The following MAN1A1 variants were observed in gnomAD, a reference collection of about 807,000 sequenced individuals.
MAN1A1 encodes the protein mannosidase alpha class 1A member 1.
In MAN1A1, 29 loss-of-function variants were observed where a neutral mutation model predicts 70.8. The ratio of observed to expected loss-of-function variants is 0.41; its 90% CI spans 0.31 to 0.56. The LOEUF (loss-of-function observed/expected upper bound fraction) is 0.56, where lower values mean the gene tolerates loss of function less well. Among genes scored for constraint, MAN1A1 ranks in the 20% least tolerant of loss-of-function variants. MAN1A1 has a pLI of 0.29. For synonymous variants in MAN1A1, 349 were observed against 330.1 expected (o/e 1.06, Z -0.62); for missense variants, 747 against 841.3 (o/e 0.89, Z 1.39).
At chr6:119,323,751 A>G (rs1286510572) in intron 2 of MAN1A1, among the ~76,000 whole-genome samples, 1 of 152,248 alleles carries the variant, frequency 6.6e-6, no homozygotes, top group Non-Finnish European at 1.5e-5. Flanking sequence ...AGTCTCAGAT[A>G]GTCCTACAGA....
At chr6:119,273,965 T>A (rs1057312864) in intron 5 of MAN1A1, among the ~76,000 whole-genome samples, 1 of 152,130 alleles carries the variant, frequency 6.6e-6, no homozygotes, top group Non-Finnish European at 1.5e-5. Context: ...TGGGGTTGCA[T>A]GAGATTGAGA....
chr6:119,305,386 T>C (rs1250685253), intron 3 of MAN1A1, among the ~76,000 whole-genome samples: 1 of 152,134 alleles, frequency 6.6e-6, no homozygotes, highest in Non-Finnish European at 1.5e-5. Context: ...TCAAAAAATG[T>C]TGTAATAAAC....
At chr6:119,327,636 TG>T (rs777710648) in intron 2 of MAN1A1, among the ~76,000 whole-genome samples, 7 of 152,112 alleles carry the variant, frequency 4.6e-5, no homozygotes, top group Non-Finnish European at 8.8e-5. Context: ...TAGTAAAACA[TG>T]GTGACTATAG....
At chr6:119,253,212 T>C (rs1368619033) in intron 5 of MAN1A1, among the ~76,000 whole-genome samples, 1 of 152,056 alleles carries the variant, frequency 6.6e-6, no homozygotes, top group African/African-American at 2.4e-5. Flanking sequence ...AAGCCAAATC[T>C]GCACCAAAAA....
chr6:119,343,949 C>CT (rs1166138347), intron 2 of MAN1A1, among the ~76,000 whole-genome samples: 3 of 152,238 alleles, frequency 2.0e-5, no homozygotes, highest in Non-Finnish European at 1.5e-5. Flanking sequence ...TTCCTCCCCT[C>CT]TGACCTTCGG....
intron 5 of MAN1A1, among the ~76,000 whole-genome samples, chr6:119,255,881 T>C (rs962538622): frequency 1.3e-5 from 2 of 152,222 alleles, no homozygotes; most frequent in Admixed American, 6.5e-5. Context: ...AAAAAAATTA[T>C]GTGTTGTATT....
Position 119,349,096 on chromosome 6 carries a change from G to A in MAN1A1, c.-31C>T. 2 of 1,268,474 alleles carry A rather than the reference G, an allele frequency of 1.6e-6. No individual in the cohort carries two copies. The highest frequency in any genetic ancestry group is 2.0e-6 in the Non-Finnish European group (2 of 1,007,498). 78.6% of individuals were successfully genotyped at this position (1,268,474 alleles called of 1,614,324 possible). On this transcript the variant is annotated 5_prime_UTR_variant, in exon 2 of 13. Transcript: ENST00000368468. Reference sequence around the variant, plus strand: ...CCGCTGTCCAGTGGTCCGGCGCCGCGCCGCTCAGCAGCCAAACTTCGCCGC... The same window carrying A: ...CCGCTGTCCAGTGGTCCGGCGCCGCACCGCTCAGCAGCCAAACTTCGCCGC...
intron 6 of MAN1A1, among the ~76,000 whole-genome samples, chr6:119,232,912 C>T (rs1264430203): frequency 6.6e-6 from 1 of 152,020 alleles, no homozygotes; most frequent in Non-Finnish European, 1.5e-5. Context: ...GACCTATTTT[C>T]CCTTCTTTAG....
chr6:119,275,553 G>A (rs1776037874), intron 5 of MAN1A1, among the ~76,000 whole-genome samples: 1 of 143,836 alleles, frequency 7.0e-6, no homozygotes, highest in Non-Finnish European at 1.6e-5. Context: ...TGATCCGCCC[G>A]CCTCGGCCTC....
intron 2 of MAN1A1, among the ~76,000 whole-genome samples, chr6:119,310,927 C>A (rs1772683208): frequency 6.6e-6 from 1 of 152,114 alleles, no homozygotes; most frequent in Non-Finnish European, 1.5e-5. Flanking sequence ...GTTTACTTCC[C>A]TATGTGTACT....
chr6:119,339,596 ATT>A (rs1002172588), intron 2 of MAN1A1, among the ~76,000 whole-genome samples: 22 of 151,790 alleles, frequency 1.4e-4, no homozygotes, highest in African/African-American at 5.3e-4. Flanking sequence ...ACTATGAAGG[ATT>A]TGTTTTTTTT....
At chr6:119,285,551 C>T (rs528356531) in intron 5 of MAN1A1, among the ~76,000 whole-genome samples, 1 of 151,960 alleles carries the variant, frequency 6.6e-6, no homozygotes, top group South Asian at 2.1e-4. Context: ...TATTTCTTCA[C>T]TGTATGGGAT....
In MAN1A1 at chr6:119,230,224, G is replaced by A. The variant is rs144325866; in HGVS notation, c.992+18036C>T. Among the ~76,000 whole-genome samples, 200 of 152,296 alleles carry A rather than the reference G, an allele frequency of 1.3e-3. 7 individuals are homozygous for A. In the East Asian group the frequency reaches 0.03, roughly 23 times the overall value. ...GAGGTAAAACATGACAATCTAAAAC[G>A]ATCGCTCCTGATAGCTGGCATGATT... is the stretch of plus-strand genomic sequence containing the variant. On this transcript the variant is annotated intron_variant, in intron 6 of 12. Coordinates refer to ENST00000368468, the MANE Select transcript of MAN1A1 (RefSeq NM_005907.4).
intron 5 of MAN1A1, among the ~76,000 whole-genome samples, chr6:119,289,353 T>C (rs1422697853): frequency 1.3e-5 from 2 of 151,914 alleles, no homozygotes; most frequent in Non-Finnish European, 2.9e-5. Context: ...CATCCTGGCA[T>C]TGGATACTCA....
chr6:119,225,393 C>G (rs893294128), intron 6 of MAN1A1, among the ~76,000 whole-genome samples: 1 of 149,134 alleles, frequency 6.7e-6, no homozygotes. Flanking sequence ...AACCTTGTCT[C>G]TTAGAGAGAG....
intron 6 of MAN1A1, among the ~76,000 whole-genome samples, chr6:119,216,335 G>A (rs745978112): frequency 2.0e-5 from 3 of 152,166 alleles, no homozygotes; most frequent in Admixed American, 6.5e-5. Flanking sequence ...GATCGTTGGT[G>A]GCCTGGTCTG....
At chr6:119,247,745 T>C (rs1053909059) in intron 6 of MAN1A1, among the ~76,000 whole-genome samples, 3 of 152,102 alleles carry the variant, frequency 2.0e-5, no homozygotes, top group African/African-American at 4.8e-5. Context: ...GGTGAGTGCA[T>C]TGGCTGCCTT....
chr6:119,263,028 C>T (rs1775652566), intron 5 of MAN1A1, among the ~76,000 whole-genome samples: 1 of 152,106 alleles, frequency 6.6e-6, no homozygotes, highest in South Asian at 2.1e-4. Flanking sequence ...TGGGCTTAGC[C>T]TCCCAGCCTA....
intron 3 of MAN1A1, among the ~76,000 whole-genome samples, chr6:119,303,466 C>T (rs1477483690): frequency 6.6e-6 from 1 of 152,212 alleles, no homozygotes; most frequent in Non-Finnish European, 1.5e-5. Context: ...CTTCCAGTCT[C>T]AAGATGTAAC....
Sources: gnomAD v4.1 joint callset for allele counts (sites outside exome capture counted in the v4.1 genomes callset) on GRCh38, gnomAD v4.1.1 for gene constraint, MANE v1.5 for transcripts, NCBI Gene and HGNC (gene_info 2026-07-23, HGNC 2026-07-21) for gene names.